Variants in PLEKHA5 observed in about 807,000 individuals in gnomAD.
PLEKHA5 encodes pleckstrin homology domain containing A5.
Under a neutral mutation model 181.9 loss-of-function variants are expected in PLEKHA5, and 55 were observed. The ratio of observed to expected loss-of-function variants is 0.30; its 90% CI spans 0.24 to 0.38. PLEKHA5 has a LOEUF of 0.38. PLEKHA5 is among the 10% of genes least tolerant of loss of function. The probability of loss-of-function intolerance (pLI) is 1.00; values close to 1 mark genes in which losing one functional copy is unlikely to be tolerated. For missense variants in PLEKHA5, 1,432 were observed against 1,549.5 expected, an observed-to-expected ratio of 0.92 and a Z score of 1.27; for synonymous variants, 535 against 529.4, an observed-to-expected ratio of 1.01 and a Z score of -0.15.
intron 15 of PLEKHA5, among the ~76,000 whole-genome samples, chr12:19,307,890 A>G (rs1362916604): frequency 1.3e-5 from 2 of 152,082 alleles, no homozygotes; most frequent in Non-Finnish European, 2.9e-5. Flanking sequence ...GTGTCCTAAA[A>G]GAAAATTGTC....
chr12:19,362,613 A>G (rs1327567338), intron 29 of PLEKHA5, among the ~76,000 whole-genome samples: 5 of 152,082 alleles, frequency 3.3e-5, no homozygotes, highest in South Asian at 2.1e-4. Flanking sequence ...TCAATAAATG[A>G]TACCTTACCC....
At chr12:19,180,769 A>T (rs12422383) in intron 3 of PLEKHA5, among the ~76,000 whole-genome samples, 15,257 of 149,852 alleles carry the variant, frequency 0.1, 935 homozygotes, top group Admixed American at 0.19. Flanking sequence ...ATATTTAAAA[A>T]ATATATATCT....
At chr12:19,135,449 T>C (rs1336132819) in intron 3 of PLEKHA5, among the ~76,000 whole-genome samples, 2 of 152,174 alleles carry the variant, frequency 1.3e-5, no homozygotes, top group South Asian at 4.1e-4. Context: ...GGATTTATAA[T>C]ATTCTGGAAA....
At chr12:19,302,970 G>A (rs1223053342) in intron 15 of PLEKHA5, among the ~76,000 whole-genome samples, 1 of 127,832 alleles carries the variant, frequency 7.8e-6, no homozygotes, top group Non-Finnish European at 1.5e-5. Context: ...TGCCCGGACT[G>A]GAGTGCAGCA....
intron 20 of PLEKHA5, among the ~76,000 whole-genome samples, chr12:19,330,758 TA>T (rs1473207629): frequency 6.6e-6 from 1 of 152,132 alleles, no homozygotes; most frequent in East Asian, 1.9e-4. Context: ...GGTGGAGTAT[TA>T]GTGACCAAAA....
chr12:19,256,366 T>C (rs1276456158), intron 5 of PLEKHA5, among the ~76,000 whole-genome samples: 2 of 152,146 alleles, frequency 1.3e-5, no homozygotes, highest in Non-Finnish European at 2.9e-5. Context: ...AAATATGCAG[T>C]CATTTCAGAA....
At chr12:19,345,626 G>A (rs564179719) in intron 22 of PLEKHA5, among the ~76,000 whole-genome samples, 3 of 151,888 alleles carry the variant, frequency 2.0e-5, no homozygotes, top group Non-Finnish European at 2.9e-5. Context: ...TCAGTTGGGC[G>A]TGGTGGCGCA....
At chr12:19,322,020 G>T (rs2153044843) in intron 18 of PLEKHA5, among the ~76,000 whole-genome samples, 1 of 152,094 alleles carries the variant, frequency 6.6e-6, no homozygotes, top group Non-Finnish European at 1.5e-5. Context: ...AATTAGAAGT[G>T]ATCTATTGTT....
rs769993253 is a variant in PLEKHA5 at position 19,283,719 on chromosome 12, C to T, written c.1753C>T (p.Arg585Cys). The T allele has an allele frequency of 3.7e-6, 6 of 1,613,112 alleles. No homozygotes were observed. The highest frequency in any genetic ancestry group is 2.2e-5 in the South Asian group (2 of 91,036). ...TCAGAGAGGAGATGTGACAATAGACCGCAGACACAGGGCCCATCACCCTAA... is the reference window on the plus strand; with the variant it reads ...TCAGAGAGGAGATGTGACAATAGACTGCAGACACAGGGCCCATCACCCTAA... ...PIQRGDVTID[R>C]RHRAHHPKHV... is the part of the protein sequence containing the mutation. Residue 585 changes from arginine (R) to cysteine (C), a missense_variant, in exon 12 of 32, where the codon CGC (arginine) becomes TGC (cysteine). By Grantham distance (180) the Arg-to-Cys change is radical (BLOSUM62 -3). This residue lies in a region of PLEKHA5 where 1,143 missense variants were observed against 1,168.4 expected (regional missense o/e 0.98). Transcript: ENST00000429027.
chr12:19,277,474 T>C (rs1427918908), intron 11 of PLEKHA5, among the ~76,000 whole-genome samples: 1 of 152,216 alleles, frequency 6.6e-6, no homozygotes, highest in Non-Finnish European at 1.5e-5. Flanking sequence ...CAACAGCTTC[T>C]GAAGGCTGGT....
intron 12 of PLEKHA5, among the ~76,000 whole-genome samples, chr12:19,286,197 A>G (rs1270054731): frequency 6.6e-6 from 1 of 152,234 alleles, no homozygotes; most frequent in African/African-American, 2.4e-5. Context: ...ACATATGTCA[A>G]TATTTAGAAC....
intron 20 of PLEKHA5, among the ~76,000 whole-genome samples, chr12:19,325,335 A>AT (rs1304172788): frequency 1.3e-5 from 2 of 152,084 alleles, no homozygotes; most frequent in African/African-American, 4.8e-5. Flanking sequence ...AGGTTGTGTG[A>AT]TTGTGCCACT....
intron 11 of PLEKHA5, among the ~76,000 whole-genome samples, chr12:19,277,851 C>T (rs1294077463): frequency 6.6e-6 from 1 of 152,172 alleles, no homozygotes. Flanking sequence ...AAGTTTCATT[C>T]TGAGTGGCAG....
At chr12:19,307,007 CT>C (rs2152957788) in intron 15 of PLEKHA5, 1 of 1,494,884 alleles carries the variant, frequency 6.7e-7, no homozygotes, top group East Asian at 2.3e-5. Context: ...GCTTTGGGGG[CT>C]CCTACTCTTG....
rs143554884 is a variant in PLEKHA5 at position 19,271,481 on chromosome 12, A to G, written c.845+1276A>G. Among the ~76,000 whole-genome samples, 19 of 152,260 alleles carry G rather than the reference A, an allele frequency of 1.2e-4. No individual in the cohort carries two copies. The East Asian group carries it at 3.5e-3, about 28-fold the overall frequency. On this transcript the variant is annotated intron_variant, in intron 10 of 31. Transcript: ENST00000429027. ...ACTGTGCCACTGCACTCCAGCCTAG[A>G]CAACGGAGTGAGACCCTGTCAAAAA...
chr12:19,232,284 C>T (rs2060747380), intron 3 of PLEKHA5, among the ~76,000 whole-genome samples: 1 of 151,982 alleles, frequency 6.6e-6, no homozygotes, highest in Non-Finnish European at 1.5e-5. Context: ...ACTGGAACTA[C>T]CTGAGTGAGG....
chr12:19,155,929 A>G (rs1490939512), intron 3 of PLEKHA5, among the ~76,000 whole-genome samples: 1 of 152,246 alleles, frequency 6.6e-6, no homozygotes, highest in Admixed American at 6.5e-5. Context: ...CCTGTAAAGT[A>G]TACGTTGAGT....
At chr12:19,325,077 A>G (rs2091774019) in intron 20 of PLEKHA5, among the ~76,000 whole-genome samples, 1 of 152,228 alleles carries the variant, frequency 6.6e-6, no homozygotes, top group Non-Finnish European at 1.5e-5. Flanking sequence ...CAGATGGGAA[A>G]TTTGTTAAAA....
At chr12:19,306,959 C>A in intron 15 of PLEKHA5, 1 of 1,260,930 alleles carries the variant, frequency 7.9e-7, no homozygotes, top group Non-Finnish European at 1.1e-6. Context: ...CTGCCTACTC[C>A]TAACCCACTT....
Sources: allele counts gnomAD v4.1 joint callset (sites outside exome capture counted in the v4.1 genomes callset), GRCh38; gene constraint gnomAD v4.1.1; regional missense constraint gnomAD v4.1.1; transcripts MANE v1.5; gene names NCBI Gene and HGNC (gene_info 2026-07-23, HGNC 2026-07-21).